ANKS1B: variants seen among roughly 807,000 people sequenced by gnomAD.
ANKS1B encodes the protein ankyrin repeat and sterile alpha motif domain-containing protein 1B.
Under a neutral mutation model 148.3 loss-of-function variants are expected in ANKS1B, and 36 were observed. The ratio of observed to expected loss-of-function variants is 0.24; its 90% CI spans 0.19 to 0.32. The LOEUF (loss-of-function observed/expected upper bound fraction) is 0.32. Ranked by LOEUF, ANKS1B falls within the 10% of genes least tolerant of loss-of-function variation. The probability of loss-of-function intolerance (pLI) is 1.00; values close to 1 mark genes in which losing one functional copy is unlikely to be tolerated. For missense variants in ANKS1B, 1,157 were observed against 1,542.6 expected, an observed-to-expected ratio of 0.75 and a Z score of 4.19; for synonymous variants, 542 against 560.8, an observed-to-expected ratio of 0.97 and a Z score of 0.47.
At chr12:99,058,980 G>A (rs1169963351) in intron 16 of ANKS1B, among the ~76,000 whole-genome samples, 3 of 150,954 alleles carry the variant, frequency 2.0e-5, no homozygotes, top group Non-Finnish European at 3.0e-5. Context: ...CTCGTGATCC[G>A]CCCGCCTCGG....
intron 9 of ANKS1B, among the ~76,000 whole-genome samples, chr12:99,534,610 G>T (rs755593127): frequency 2.0e-5 from 3 of 151,756 alleles, no homozygotes; most frequent in Non-Finnish European, 2.9e-5. Context: ...AACTACATTT[G>T]CTTTCTCAGA....
chr12:99,167,197 C>T (rs1407657582), intron 14 of ANKS1B, among the ~76,000 whole-genome samples: 2 of 151,754 alleles, frequency 1.3e-5, no homozygotes, highest in Non-Finnish European at 2.9e-5. Context: ...AAGTCTTAAC[C>T]TTACAGTAGG....
At chr12:99,507,699 AG>A (rs2096725475) in intron 9 of ANKS1B, among the ~76,000 whole-genome samples, 1 of 151,930 alleles carries the variant, frequency 6.6e-6, no homozygotes, top group Admixed American at 6.6e-5. Context: ...CGCGGGAAGG[AG>A]TTGGTAAAAA....
chr12:99,545,454 T>C (rs2097163551), intron 9 of ANKS1B, among the ~76,000 whole-genome samples: 2 of 152,064 alleles, frequency 1.3e-5, no homozygotes, highest in Non-Finnish European at 2.9e-5. Context: ...AATAACCACA[T>C]TTAAGCCTCT....
chr12:99,320,789 A>T (rs1159937897), intron 12 of ANKS1B, among the ~76,000 whole-genome samples: 1 of 152,062 alleles, frequency 6.6e-6, no homozygotes, highest in Non-Finnish European at 1.5e-5. Context: ...GATTTTTAGA[A>T]TTTTCAACTT....
At chr12:99,357,365 T>C (rs999433791) in intron 12 of ANKS1B, among the ~76,000 whole-genome samples, 1 of 152,124 alleles carries the variant, frequency 6.6e-6, no homozygotes, top group Admixed American at 6.6e-5. Flanking sequence ...ATTATACCCA[T>C]CCCTGCATGA....
At chr12:99,301,034 C>A (rs946389529) in intron 12 of ANKS1B, among the ~76,000 whole-genome samples, 8 of 152,158 alleles carry the variant, frequency 5.3e-5, no homozygotes, top group African/African-American at 1.9e-4. Context: ...GTCCGAATCT[C>A]TGAGAACCGG....
At position 99,068,707 on chromosome 12, in the gene ANKS1B, G is replaced by GC. The variant is rs1429306870; in HGVS notation, c.2626-15399_2626-15398insG. 1.2e-4 allele frequency among the ~76,000 whole-genome samples: 4 copies of GC among 32,774 alleles called. No homozygotes were observed. The East Asian group carries it at 8.1e-3, about 66-fold the overall frequency. The allele number at this position is 32,774 out of a possible 152,430, so 21.5% of individuals were successfully genotyped here. A position where few individuals can be genotyped will look rare whatever the true frequency, so the allele number is the denominator to read the frequency against. On this transcript the variant is annotated intron_variant, in intron 16 of 26. Coordinates refer to ENST00000683438, the MANE Select transcript of ANKS1B (RefSeq NM_001352186.2). Reference sequence around the variant, plus strand: ...GCAGGTGGGAGGGGTGGGGGGCAGAGAGAGAGAGAGAGAGAGACAGAGAGA... The same window carrying GC: ...GCAGGTGGGAGGGGTGGGGGGCAGAGCAGAGAGAGAGAGAGAGACAGAGAGA...
intron 15 of ANKS1B, among the ~76,000 whole-genome samples, chr12:99,131,757 C>T (rs749869227): frequency 6.6e-6 from 1 of 152,158 alleles, no homozygotes; most frequent in Non-Finnish European, 1.5e-5. Context: ...AAGTTAACTT[C>T]CTCTGTGGCA....
intron 4 of ANKS1B, among the ~76,000 whole-genome samples, chr12:99,787,684 C>T (rs569231879): frequency 6.6e-6 from 1 of 152,318 alleles, no homozygotes; most frequent in African/African-American, 2.4e-5. Context: ...ATCACAGTAT[C>T]TGGTTTTAAC....
chr12:99,873,772 G>T (rs886067236), intron 1 of ANKS1B, among the ~76,000 whole-genome samples: 3 of 152,080 alleles, frequency 2.0e-5, no homozygotes, highest in African/African-American at 7.2e-5. Flanking sequence ...TAAATCAGTA[G>T]ACTTTAAGTA....
intron 9 of ANKS1B, among the ~76,000 whole-genome samples, chr12:99,520,726 C>G (rs374551139): frequency 3.9e-5 from 6 of 152,160 alleles, no homozygotes; most frequent in East Asian, 3.9e-4. Flanking sequence ...TTTTCCAGAG[C>G]CTGTAGTTGC....
intron 16 of ANKS1B, among the ~76,000 whole-genome samples, chr12:99,069,063 C>A (rs2045461750): frequency 6.6e-6 from 1 of 152,200 alleles, no homozygotes; most frequent in Admixed American, 6.6e-5. Context: ...CCATTCCCAT[C>A]TCTGGACTTA....
intron 1 of ANKS1B, among the ~76,000 whole-genome samples, chr12:99,889,658 CCAA>C (rs2092998680): frequency 6.6e-6 from 1 of 152,130 alleles, no homozygotes; most frequent in South Asian, 2.1e-4. Flanking sequence ...TAACAAAACA[CCAA>C]CATTTCCCTT....
At chr12:99,219,592 A>T (rs1226288520) in intron 14 of ANKS1B, among the ~76,000 whole-genome samples, 3 of 152,170 alleles carry the variant, frequency 2.0e-5, no homozygotes. Flanking sequence ...ACAAGAAAAA[A>T]GTCAAAGGTT....
intron 10 of ANKS1B, among the ~76,000 whole-genome samples, chr12:99,490,480 A>T (rs1263426447): frequency 6.6e-6 from 1 of 152,236 alleles, no homozygotes; most frequent in Non-Finnish European, 1.5e-5. Flanking sequence ...AATTATTTTT[A>T]ATTCTCTATT....
chr12:99,315,938 G>A (rs2084002441), intron 12 of ANKS1B, among the ~76,000 whole-genome samples: 1 of 151,816 alleles, frequency 6.6e-6, no homozygotes, highest in South Asian at 2.1e-4. Context: ...TTCTGTCCTT[G>A]CAATACTTTG....
intron 1 of ANKS1B, among the ~76,000 whole-genome samples, chr12:99,955,467 T>C (rs2095305361): frequency 8.8e-6 from 1 of 113,660 alleles, no homozygotes; most frequent in South Asian, 3.0e-4. Flanking sequence ...CGCTCCAGCC[T>C]GGGCGACAGA....
chr12:99,781,318 TAC>T (rs566112223), intron 5 of ANKS1B, among the ~76,000 whole-genome samples: 178 of 152,278 alleles, frequency 1.2e-3, no homozygotes, highest in Non-Finnish European at 2.0e-3. Flanking sequence ...CATTTTTTTT[TAC>T]AGAGGAAAAT....
Sources: allele counts gnomAD v4.1 joint callset (sites outside exome capture counted in the v4.1 genomes callset), GRCh38; gene constraint gnomAD v4.1.1; transcripts MANE v1.5; gene names NCBI Gene and HGNC (gene_info 2026-07-23, HGNC 2026-07-21).